DAPK2: variants seen among roughly 807,000 people sequenced by gnomAD.
DAPK2 encodes the protein death-associated protein kinase 2.
DAPK2 carries 35 observed loss-of-function variants against 44.1 expected under a neutral mutation model. The ratio of observed to expected loss-of-function variants is 0.79; its 90% confidence interval spans 0.61 to 1.05. The LOEUF (loss-of-function observed/expected upper bound fraction) is 1.05, where lower values mean the gene tolerates loss of function less well. Ranked by LOEUF, DAPK2 falls within the 50% of genes least tolerant of loss-of-function variation. The pLI is 0.00. For synonymous variants in DAPK2, 174 were observed against 182.6 expected (o/e 0.95, Z 0.38); for missense variants, 453 against 483.2 (o/e 0.94, Z 0.59).
At chr15:63,955,499 C>T (rs914428689) in intron 3 of DAPK2, among the ~76,000 whole-genome samples, 8 of 152,052 alleles carry the variant, frequency 5.3e-5, no homozygotes, top group South Asian at 2.1e-4. Flanking sequence ...CCTCTTAGAA[C>T]GACTTTGGAA....
At chr15:64,036,190 G>A (rs938629417) in intron 1 of DAPK2, among the ~76,000 whole-genome samples, 4 of 146,904 alleles carry the variant, frequency 2.7e-5, no homozygotes, top group African/African-American at 1.0e-4. Flanking sequence ...GAACCTGGGA[G>A]ATGGAGGTTG....
chr15:63,975,461 C>G (rs2078317374), intron 2 of DAPK2, among the ~76,000 whole-genome samples: 1 of 152,098 alleles, frequency 6.6e-6, no homozygotes, highest in Non-Finnish European at 1.5e-5. Context: ...TTCTATTTCA[C>G]ACTTTAAGAA....
intron 3 of DAPK2, chr15:63,942,127 T>A: frequency 1.3e-6 from 1 of 795,808 alleles, no homozygotes; most frequent in Non-Finnish European, 1.5e-6. Context: ...CCCAGGACTA[T>A]GGAGCAGTAG....
chr15:63,927,761 G>C (rs1009809606), intron 6 of DAPK2, among the ~76,000 whole-genome samples: 2 of 145,488 alleles, frequency 1.4e-5, no homozygotes, highest in African/African-American at 5.1e-5. Flanking sequence ...TTTTTTTTGA[G>C]ACAGGGTCTT....
intron 4 of DAPK2, among the ~76,000 whole-genome samples, chr15:63,938,065 G>C (rs545752045): frequency 6.6e-6 from 1 of 152,186 alleles, no homozygotes; most frequent in South Asian, 2.1e-4. Context: ...CCATCTCCAC[G>C]TGTGTTAAAC....
At chr15:64,002,974 C>CTG (rs58879927) in intron 1 of DAPK2, among the ~76,000 whole-genome samples, 5,281 of 51,530 alleles carry the variant, frequency 0.1, 654 homozygotes, top group African/African-American at 0.22. Flanking sequence ...GTCGTGGGAC[C>CTG]TGTGTGTGTG....
At chr15:63,925,883 C>A (rs1028711156) in intron 7 of DAPK2, 58 bp downstream of exon 8, 3 of 1,608,378 alleles carry the variant, frequency 1.9e-6, no homozygotes, top group Admixed American at 1.7e-5. Flanking sequence ...AGGTCTTTGA[C>A]AGAGGCGACA....
At chr15:63,975,938 GGGATCATTCC>G (rs1185882323) in intron 2 of DAPK2, among the ~76,000 whole-genome samples, 4 of 152,214 alleles carry the variant, frequency 2.6e-5, no homozygotes, top group African/African-American at 9.6e-5. Flanking sequence ...CCCAACTTTG[GGGATCATTCC>G]CTGCCCCCTA....
Position 64,046,055 on chromosome 15 carries a change from C to T in DAPK2, c.-7+243G>A, listed in dbSNP as rs548075287. Among the ~76,000 whole-genome samples the T allele has an allele frequency of 6.6e-6, 1 of 152,298 alleles. No homozygotes were observed. Among genetic ancestry groups the T allele is most frequent in the Admixed American group, 6.5e-5 (1 of 15,310 alleles). On this transcript the variant is annotated intron_variant, in intron 1 of 11. Coordinates refer to the DAPK2 transcript ENST00000457488. The surrounding 1 kb of genome is among the most constrained non-coding windows in gnomAD (Gnocchi z 5.3). Reference sequence around the variant, plus strand: ...CTTGGCTCTGCCCGCCGCCTCTACCCTGTCTCCCAGGTCAAAGTGCCAGGC... The same window carrying T: ...CTTGGCTCTGCCCGCCGCCTCTACCTTGTCTCCCAGGTCAAAGTGCCAGGC...
intron 2 of DAPK2, among the ~76,000 whole-genome samples, chr15:63,979,434 A>T (rs528212280): frequency 2.2e-4 from 33 of 152,268 alleles, no homozygotes; most frequent in Non-Finnish European, 4.4e-4. Context: ...ACCAGACAAC[A>T]GTTGCTGAGA....
At chr15:64,011,987 C>G (rs953463603) in intron 1 of DAPK2, among the ~76,000 whole-genome samples, 1 of 152,192 alleles carries the variant, frequency 6.6e-6, no homozygotes, top group Non-Finnish European at 1.5e-5. Flanking sequence ...AGTAATGAGT[C>G]TTTTCCAGCC....
exon 2 of DAPK2, chr15:63,983,672 T>A: frequency 6.2e-7 from 1 of 1,613,956 alleles, no homozygotes; most frequent in Non-Finnish European, 8.5e-7. Context: ...CTCGCCCGGC[T>A]CTGCCGCTTC....
At chr15:64,000,185 C>T (rs2079046748) in intron 1 of DAPK2, among the ~76,000 whole-genome samples, 2 of 101,500 alleles carry the variant, frequency 2.0e-5, no homozygotes. Flanking sequence ...ACTACTACTA[C>T]TACACACACA....
intron 1 of DAPK2, among the ~76,000 whole-genome samples, chr15:64,031,486 T>C (rs1216382655): frequency 6.6e-6 from 1 of 152,132 alleles, no homozygotes; most frequent in African/African-American, 2.4e-5. Context: ...TCCCACCTCG[T>C]CCTCCCAAAG....
chr15:63,965,558 C>T (rs570906525), intron 3 of DAPK2, among the ~76,000 whole-genome samples: 4 of 152,324 alleles, frequency 2.6e-5, no homozygotes, highest in Middle Eastern at 3.4e-3. Context: ...GCTTCCCCCC[C>T]TTGGGTGGTC....
chr15:63,988,655 G>A (rs976727299), intron 1 of DAPK2, among the ~76,000 whole-genome samples: 18 of 151,342 alleles, frequency 1.2e-4, no homozygotes, highest in African/African-American at 3.9e-4. Flanking sequence ...CAGGCACCGC[G>A]ACCATGGATG....
At chr15:63,987,093 G>A (rs2078687326) in intron 1 of DAPK2, among the ~76,000 whole-genome samples, 1 of 152,148 alleles carries the variant, frequency 6.6e-6, no homozygotes, top group Non-Finnish European at 1.5e-5. Context: ...TGCAAATCAA[G>A]GCAGAAGATT....
rs556816063 is a variant in DAPK2, at chr15:64,028,827, T to C, written c.92+11343A>G. Among the ~76,000 whole-genome samples, 4 of 151,720 alleles carry C rather than the reference T, an allele frequency of 2.6e-5. No homozygotes were observed. In the South Asian group the frequency reaches 8.3e-4, roughly 32 times the overall value. The stretch of plus-strand genomic sequence containing the variant: ...AGAAGGAAGGAGGAAAGGAGGCAGG[T>C]AGAGAAGGGGAAAGAGAGAGAGAGA... On this transcript the variant is annotated intron_variant, in intron 1 of 10. Transcript: ENST00000261891.
At chr15:63,911,856 G>A (rs2078800700) in intron 10 of DAPK2, 52 bp downstream of exon 11, 3 of 1,580,936 alleles carry the variant, frequency 1.9e-6, no homozygotes, top group Non-Finnish European at 2.6e-6. Flanking sequence ...CCATCCCTGA[G>A]CTCCAGGCTA....
Sources: allele counts gnomAD v4.1 joint callset (sites outside exome capture counted in the v4.1 genomes callset), GRCh38; gene constraint gnomAD v4.1.1; non-coding constraint Gnocchi (gnomAD v3.1); transcripts MANE v1.5; gene names NCBI Gene and HGNC (gene_info 2026-07-23, HGNC 2026-07-21).